The following THSD7B variants were observed in gnomAD, a reference collection of about 807,000 sequenced individuals.
THSD7B encodes the protein thrombospondin type-1 domain-containing protein 7B.
Under a neutral mutation model 213.6 loss-of-function variants are expected in THSD7B, and 138 were observed. That is an observed-to-expected ratio of 0.65 (90% confidence interval 0.56 to 0.74). The LOEUF is 0.74. Ranked by LOEUF, THSD7B falls within the 30% of genes least tolerant of loss-of-function variation. The pLI is 0.00. For missense variants in THSD7B, 1,931 were observed against 1,991.5 expected, an observed-to-expected ratio of 0.97 and a Z score of 0.58; for synonymous variants, 742 against 687.0, an observed-to-expected ratio of 1.08 and a Z score of -1.25.
chr2:137,208,715 G>C (rs1266849321), intron 7 of THSD7B, among the ~76,000 whole-genome samples: 1 of 151,962 alleles, frequency 6.6e-6, no homozygotes, highest in Non-Finnish European at 1.5e-5. Flanking sequence ...AAATCAGAGG[G>C]GTATGGAAAA....
chr2:136,857,114 T>C (rs552352167), intron 1 of THSD7B, among the ~76,000 whole-genome samples: 3 of 152,382 alleles, frequency 2.0e-5, no homozygotes, highest in East Asian at 3.9e-4. Flanking sequence ...ACTTACCTTT[T>C]ATAAAAATGA....
chr2:137,580,270 T>C (rs543050903), intron 17 of THSD7B, among the ~76,000 whole-genome samples: 125 of 145,442 alleles, frequency 8.6e-4, no homozygotes, highest in Admixed American at 2.3e-3. Context: ...TTTAATATCA[T>C]GTGAATTGAG....
At chr2:137,670,352 T>G (rs1683535638) in intron 27 of THSD7B, among the ~76,000 whole-genome samples, 1 of 152,138 alleles carries the variant, frequency 6.6e-6, no homozygotes, top group Admixed American at 6.5e-5. Flanking sequence ...GACTAAAGTC[T>G]TCCACAACTG....
intron 15 of THSD7B, among the ~76,000 whole-genome samples, chr2:137,452,742 G>A (rs1338829383): frequency 6.6e-6 from 1 of 152,128 alleles, no homozygotes; most frequent in Non-Finnish European, 1.5e-5. Flanking sequence ...GTATGGACAT[G>A]TCTATAACAT....
intron 2 of THSD7B, among the ~76,000 whole-genome samples, chr2:136,967,151 A>G (rs547268566): frequency 1.3e-4 from 20 of 152,312 alleles, no homozygotes; most frequent in African/African-American, 3.4e-4. Flanking sequence ...TTAGTTGGCT[A>G]TTGGAAATAA....
intron 17 of THSD7B, among the ~76,000 whole-genome samples, chr2:137,599,040 C>A (rs139025790): frequency 5.7e-5 from 7 of 123,230 alleles, no homozygotes; most frequent in African/African-American, 9.1e-5. Context: ...CCCCTCCCCC[C>A]ACCCCACCAC....
chr2:137,288,236 T>C (rs1253109162), intron 12 of THSD7B, among the ~76,000 whole-genome samples: 1 of 152,120 alleles, frequency 6.6e-6, no homozygotes, highest in African/African-American at 2.4e-5. Context: ...TCACCGCTAC[T>C]TGGAATGCAA....
chr2:137,566,654 C>A (rs896168118), intron 16 of THSD7B, among the ~76,000 whole-genome samples: 4 of 152,218 alleles, frequency 2.6e-5, no homozygotes, highest in African/African-American at 9.6e-5. Flanking sequence ...GGTTTCATAA[C>A]CTTTAGTGTA....
At chr2:137,220,604 CAA>C (rs1681346719) in intron 7 of THSD7B, among the ~76,000 whole-genome samples, 1 of 152,136 alleles carries the variant, frequency 6.6e-6, no homozygotes, top group Non-Finnish European at 1.5e-5. Context: ...CATGGGAAGG[CAA>C]AAGAGTGCAG....
intron 15 of THSD7B, among the ~76,000 whole-genome samples, chr2:137,528,143 C>T (rs1410004224): frequency 2.0e-5 from 3 of 152,030 alleles, no homozygotes; most frequent in Non-Finnish European, 1.5e-5. Flanking sequence ...AAATTGTGCC[C>T]AATCTTGTTG....
intron 14 of THSD7B, among the ~76,000 whole-genome samples, chr2:137,446,713 T>G (rs1364229241): frequency 6.6e-6 from 1 of 152,146 alleles, no homozygotes; most frequent in Non-Finnish European, 1.5e-5. Context: ...CAATGTATTC[T>G]GCATATAAAC....
At chr2:136,859,496 A>C (rs1683227345) in intron 1 of THSD7B, among the ~76,000 whole-genome samples, 1 of 152,230 alleles carries the variant, frequency 6.6e-6, no homozygotes, top group Non-Finnish European at 1.5e-5. Flanking sequence ...TAACTATAGT[A>C]ACCAAGAGTT....
intron 12 of THSD7B, among the ~76,000 whole-genome samples, chr2:137,399,156 G>A (rs1686289053): frequency 6.6e-6 from 1 of 151,442 alleles, no homozygotes; most frequent in East Asian, 2.0e-4. Flanking sequence ...CTGTAGACTG[G>A]AGCTGTTCCT....
At chr2:137,536,548 A>G (rs966299921) in intron 15 of THSD7B, among the ~76,000 whole-genome samples, 5 of 151,896 alleles carry the variant, frequency 3.3e-5, no homozygotes, top group African/African-American at 1.2e-4. Flanking sequence ...AAAGATTAAG[A>G]TTGCATGTAG....
intron 14 of THSD7B, among the ~76,000 whole-genome samples, chr2:137,437,576 A>G (rs1333129029): frequency 6.6e-6 from 1 of 152,190 alleles, no homozygotes; most frequent in Non-Finnish European, 1.5e-5. Flanking sequence ...AAGAGACATG[A>G]AAGCAACAGA....
At chr2:136,872,468 A>C (rs1232112619) in intron 1 of THSD7B, among the ~76,000 whole-genome samples, 1 of 152,092 alleles carries the variant, frequency 6.6e-6, no homozygotes, top group East Asian at 1.9e-4. Flanking sequence ...CTTTGGCCAG[A>C]ACTGAGTCAC....
intron 4 of THSD7B, among the ~76,000 whole-genome samples, chr2:137,113,234 T>C (rs1219949146): frequency 1.3e-5 from 2 of 152,084 alleles, no homozygotes; most frequent in Non-Finnish European, 2.9e-5. Context: ...ATCTGTGCCC[T>C]GAAACTGGAA....
At chr2:137,066,987 G>C (rs1316850008) in intron 3 of THSD7B, among the ~76,000 whole-genome samples, 1 of 151,968 alleles carries the variant, frequency 6.6e-6, no homozygotes, top group African/African-American at 2.4e-5. Context: ...GCCTATCAAA[G>C]GTACTTTTTG....
chr2:137,403,275 T>TA (rs201193545), intron 12 of THSD7B, among the ~76,000 whole-genome samples: 21 of 150,848 alleles, frequency 1.4e-4, no homozygotes, highest in Non-Finnish European at 2.7e-4. Context: ...TCACCAGTTC[T>TA]AAAAAAAAAT....
Sources: allele counts gnomAD v4.1 joint callset (sites outside exome capture counted in the v4.1 genomes callset), GRCh38; gene constraint gnomAD v4.1.1; transcripts MANE v1.5; gene names NCBI Gene and HGNC (gene_info 2026-07-23, HGNC 2026-07-21).